The following GDAP1 variants were observed in gnomAD, a reference collection of about 807,000 sequenced individuals.
GDAP1 encodes ganglioside-induced differentiation-associated protein 1.
In GDAP1, 34 loss-of-function variants were observed where a neutral mutation model predicts 40.1. The observed-to-expected ratio is 0.85, with a 90% CI of 0.64 to 1.13. GDAP1 has a LOEUF of 1.13. Among genes scored for constraint, GDAP1 ranks in the 50% most tolerant of loss-of-function variants. The pLI is 0.00. For synonymous variants in GDAP1, 170 were observed against 157.4 expected (o/e 1.08, Z -0.60); for missense variants, 374 against 433.7 (o/e 0.86, Z 1.22).
chr8:74,479,443 A>G (rs1178846031), intron 2 of GDAP1, among the ~76,000 whole-genome samples: 1 of 152,146 alleles, frequency 6.6e-6, no homozygotes, highest in African/African-American at 2.4e-5. Context: ...AAGTGTTTCT[A>G]TTTATCTTTA....
Position 74,407,863 on chromosome 8 carries a change from C to T in GDAP1, c.165+56542C>T, listed in dbSNP as rs1291233820. Among the ~76,000 whole-genome samples, 10 of 149,822 alleles carry T rather than the reference C, an allele frequency of 6.7e-5. 3 individuals are homozygous for T. The highest frequency in any genetic ancestry group is 2.6e-4 in the African/African-American group (10 of 39,212). On this transcript the variant is annotated intron_variant, in intron 2 of 2. Coordinates refer to the GDAP1 transcript ENST00000523640. ...GCCCCTACTCTCTGTTCCTTTTTTT[C>T]TGCTGGCAAACTGACTTAGACAACA...
At position 74,365,841 on chromosome 8, in the gene GDAP1, A is replaced by G; in HGVS notation, c.*1474A>G. 2 of 453,762 alleles carry G rather than the reference A, an allele frequency of 4.4e-6. No homozygotes were observed. Among genetic ancestry groups the G allele is most frequent in the Admixed American group, 2.4e-5 (1 of 42,544 alleles). 28.1% of individuals were successfully genotyped at this position (453,762 alleles called of 1,614,324 possible). A position where few individuals can be genotyped will look rare whatever the true frequency, so the allele number is the denominator to read the frequency against. On this transcript the variant is annotated 3_prime_UTR_variant, in exon 6 of 6. Coordinates refer to ENST00000220822, the MANE Select transcript of GDAP1 (RefSeq NM_018972.4). ...AAACTCAGTCAAACAATAATTGAGT[A>G]GCAGCTTTTATAACATTTAAAATTT...
intron 2 of GDAP1, among the ~76,000 whole-genome samples, chr8:74,461,726 A>G (rs1338059411): frequency 6.6e-6 from 1 of 152,248 alleles, no homozygotes; most frequent in Non-Finnish European, 1.5e-5. Flanking sequence ...TGTGTTTTAC[A>G]TGCTCACATG....
chr8:74,461,588 C>G (rs1563475641), intron 2 of GDAP1, among the ~76,000 whole-genome samples: 1 of 152,150 alleles, frequency 6.6e-6, no homozygotes, highest in Non-Finnish European at 1.5e-5. Context: ...TGGATATTTC[C>G]AAGTATCCAG....
intron 2 of GDAP1, among the ~76,000 whole-genome samples, chr8:74,377,801 C>A (rs1255650919): frequency 6.6e-6 from 1 of 152,200 alleles, no homozygotes; most frequent in African/African-American, 2.4e-5. Flanking sequence ...CAACCAATAT[C>A]CACATGTTTG....
chr8:74,381,373 G>A (rs187557032), intron 2 of GDAP1, among the ~76,000 whole-genome samples: 2 of 152,186 alleles, frequency 1.3e-5, no homozygotes, highest in Admixed American at 1.3e-4. Context: ...ATGTTATGCA[G>A]CTATTAAGAG....
rs189529847 is a variant in GDAP1 at position 74,436,545 on chromosome 8, C to T, written c.166-52133C>T. 7.5e-3 allele frequency among the ~76,000 whole-genome samples: 1,144 copies of T among 151,970 alleles called. 14 individuals are homozygous for T. Among genetic ancestry groups the T allele is most frequent in the African/African-American group, 0.026 (1,074 of 41,426 alleles). Reference sequence around the variant, plus strand: ...TCAAGTGATTCCCCTGCCTCAGCCTCCCGAGTAGCTGGGATTACAGGTGTG... The same window carrying T: ...TCAAGTGATTCCCCTGCCTCAGCCTTCCGAGTAGCTGGGATTACAGGTGTG... On this transcript the variant is annotated intron_variant, in intron 2 of 2. Coordinates refer to the GDAP1 transcript ENST00000523640.
intron 2 of GDAP1, among the ~76,000 whole-genome samples, chr8:74,395,933 A>G (rs1308903082): frequency 2.6e-5 from 4 of 152,252 alleles, no homozygotes; most frequent in Admixed American, 2.6e-4. Context: ...GCTAGTGGTA[A>G]CAACATATTA....
chr8:74,462,603 A>G (rs1806414590), intron 2 of GDAP1, among the ~76,000 whole-genome samples: 2 of 152,326 alleles, frequency 1.3e-5, no homozygotes, highest in Middle Eastern at 3.4e-3. Flanking sequence ...TTAATGATCA[A>G]CTGTCAATAC....
intron 2 of GDAP1, among the ~76,000 whole-genome samples, chr8:74,436,597 A>G (rs1490776640): frequency 6.6e-6 from 1 of 151,446 alleles, no homozygotes; most frequent in Non-Finnish European, 1.5e-5. Flanking sequence ...TAATTTTTGT[A>G]TTTTTAGTAG....
At chr8:74,392,163 G>T (rs141761361) in intron 2 of GDAP1, among the ~76,000 whole-genome samples, 5 of 152,216 alleles carry the variant, frequency 3.3e-5, no homozygotes, top group Admixed American at 2.6e-4. Flanking sequence ...GATACAGGGC[G>T]CAATAAAATC....
rs960538484 is a variant in GDAP1, at chr8:74,365,173, C to T, written c.*806C>T. ...AATCACTAGCATGTCTAGGTATTGG[C>T]TGGGTAGTGGGTATTTTGATGATCT... On this transcript the variant is annotated 3_prime_UTR_variant, in exon 6 of 6. Transcript: ENST00000220822. 1.0e-4 allele frequency: 47 copies of T among 453,884 alleles called. 1 individual carries two copies. In the Admixed American group the frequency reaches 1.1e-3, roughly 11 times the overall value. 28.1% of individuals were successfully genotyped at this position (453,884 alleles called of 1,614,324 possible).
At chr8:74,473,247 T>C (rs1806583466) in intron 2 of GDAP1, among the ~76,000 whole-genome samples, 1 of 152,176 alleles carries the variant, frequency 6.6e-6, no homozygotes, top group African/African-American at 2.4e-5. Context: ...CTGTAGGTGG[T>C]CTGTTTACTC....
At chr8:74,359,722 T>C (rs891910792) in intron 2 of GDAP1, among the ~76,000 whole-genome samples, 3 of 152,140 alleles carry the variant, frequency 2.0e-5, no homozygotes, top group African/African-American at 7.2e-5. Context: ...AAGACAGTCA[T>C]GGGGAAAAAA....
intron 2 of GDAP1, among the ~76,000 whole-genome samples, chr8:74,468,552 T>C (rs1425095331): frequency 4.6e-5 from 7 of 151,162 alleles, no homozygotes; most frequent in Non-Finnish European, 1.0e-4. Context: ...CACACACACA[T>C]ATATAGGTTG....
chr8:74,377,865 T>G (rs191831425), intron 2 of GDAP1, among the ~76,000 whole-genome samples: 2 of 152,344 alleles, frequency 1.3e-5, no homozygotes, highest in Admixed American at 1.3e-4. Context: ...GGCCAATAAT[T>G]GGAAACTATC....
rs151097543 is a variant in GDAP1, at chr8:74,390,509, G to A, written c.165+39188G>A. On this transcript the variant is annotated intron_variant, in intron 2 of 2. Coordinates refer to the GDAP1 transcript ENST00000523640. ...TGTTTCCCTGGGTATCACCAGCAGA[G>A]GCTGCAGAACAGCAAAGATTGCTCC... 3.9e-3 allele frequency among the ~76,000 whole-genome samples: 590 copies of A among 152,322 alleles called. 8 individuals are homozygous for A. Among genetic ancestry groups the A allele is most frequent in the African/African-American group, 0.014 (564 of 41,588 alleles).
chr8:74,394,817 A>G (rs988819500), intron 2 of GDAP1, among the ~76,000 whole-genome samples: 2 of 152,108 alleles, frequency 1.3e-5, no homozygotes, highest in Non-Finnish European at 2.9e-5. Context: ...GGGACCTGGA[A>G]ATGGCAGCCC....
chr8:74,373,865 T>C (rs1398253913), intron 2 of GDAP1, among the ~76,000 whole-genome samples: 1 of 152,166 alleles, frequency 6.6e-6, no homozygotes, highest in Non-Finnish European at 1.5e-5. Context: ...CCAGTTTTTG[T>C]CCATTCAGTA....
Sources: gnomAD v4.1 joint callset for allele counts (sites outside exome capture counted in the v4.1 genomes callset) on GRCh38, gnomAD v4.1.1 for gene constraint, MANE v1.5 for transcripts, NCBI Gene and HGNC (gene_info 2026-07-23, HGNC 2026-07-21) for gene names.